PEAK1: variants seen among roughly 807,000 people sequenced by gnomAD.
The protein encoded by PEAK1 is pseudopodium enriched atypical kinase 1.
PEAK1 carries 54 observed loss-of-function variants against 124.7 expected under a neutral mutation model. The observed-to-expected ratio is 0.43, with a 90% confidence interval of 0.35 to 0.54. PEAK1 has a LOEUF of 0.54. PEAK1 is among the 20% of genes least tolerant of loss of function. PEAK1 has a pLI of 0.01. For missense variants in PEAK1, 2,046 were observed against 2,134.5 expected (o/e 0.96, Z 0.82); for synonymous variants, 719 against 760.0 (o/e 0.95, Z 0.89).
intron 2 of PEAK1, chr15:77,348,310 C>G: frequency 1.1e-6 from 1 of 870,388 alleles, no homozygotes; most frequent in South Asian, 5.3e-5. Flanking sequence ...GAGTCTCATG[C>G]CACCTACTCT....
intron 2 of PEAK1, among the ~76,000 whole-genome samples, chr15:77,343,856 T>C (rs1039098167): frequency 6.6e-6 from 1 of 152,204 alleles, no homozygotes; most frequent in African/African-American, 2.4e-5. Flanking sequence ...TTCAATGTCA[T>C]GAGGATTTTC....
In PEAK1 at chr15:77,179,220, T is replaced by C. The variant is rs945884879; in HGVS notation, c.2707A>G (p.Thr903Ala). ...WTKPTSPTRS[T>A]EAESVLHSEG... ...GAGTGCAAAACTGATTCAGCTTCTGTTGACCTGGTAGGGCTGGTTGGCTTG... is the reference window on the plus strand; with the variant it reads ...GAGTGCAAAACTGATTCAGCTTCTGCTGACCTGGTAGGGCTGGTTGGCTTG... Residue 903 changes from threonine to alanine, a missense_variant, in exon 7 of 10, where the codon ACA (threonine) becomes GCA (alanine). By Grantham distance (58) the Thr-to-Ala change is moderately conservative. Transcript: ENST00000682557. 1.1e-5 allele frequency: 17 copies of C among 1,614,074 alleles called. No individual in the cohort carries two copies. Among genetic ancestry groups the C allele is most frequent in the Non-Finnish European group, 1.3e-5 (15 of 1,180,034 alleles).
chr15:77,368,456 T>G (rs771786023), intron 1 of PEAK1, among the ~76,000 whole-genome samples: 1 of 151,426 alleles, frequency 6.6e-6, no homozygotes, highest in Non-Finnish European at 1.5e-5. Context: ...AGGCGGAGGT[T>G]ATAGTGAGCT....
chr15:77,212,702 T>C (rs1006566569), intron 6 of PEAK1, among the ~76,000 whole-genome samples: 3 of 152,216 alleles, frequency 2.0e-5, no homozygotes, highest in African/African-American at 7.2e-5. Flanking sequence ...TCTATACTTG[T>C]ATGTAGGTCA....
At chr15:77,210,688 T>G (rs1374037199) in intron 6 of PEAK1, among the ~76,000 whole-genome samples, 1 of 152,216 alleles carries the variant, frequency 6.6e-6, no homozygotes, top group Admixed American at 6.5e-5. Flanking sequence ...GAGATCAGAC[T>G]GGCCAACATG....
intron 1 of PEAK1, among the ~76,000 whole-genome samples, chr15:77,408,128 T>C (rs1174465813): frequency 3.6e-5 from 5 of 138,622 alleles, no homozygotes; most frequent in Non-Finnish European, 7.6e-5. Flanking sequence ...TATATACATA[T>C]AGACACATGT....
Position 77,179,655 on chromosome 15 carries a change from T to G in PEAK1, c.2272A>C (p.Ser758Arg). ...ACTGTGCTTGCTTTCTCTCTGGTGC[T>G]GCTGCTGCCCACCATCTGAGACTCC... The part of the protein sequence containing the change: ...TQESQMVGSS[S>R]TREKASTVLS... Residue 758 changes from serine to arginine, a missense_variant, in exon 7 of 10, where the codon AGC (serine) becomes CGC (arginine). Transcript: ENST00000682557. 3 of 1,614,166 alleles carry G rather than the reference T, an allele frequency of 1.9e-6. No homozygotes were observed. The highest frequency in any genetic ancestry group is 2.5e-6 in the Non-Finnish European group (3 of 1,180,020).
intron 6 of PEAK1, among the ~76,000 whole-genome samples, chr15:77,228,655 A>G (rs34572155): frequency 0.36 from 54,861 of 151,898 alleles, 10,055 homozygotes; most frequent in Non-Finnish European, 0.38. Context: ...TATGACTTTT[A>G]TGGGCTTTTG....
At chr15:77,211,848 CAAAAAAAAAAAAA>C (rs34360713) in intron 6 of PEAK1, among the ~76,000 whole-genome samples, 1 of 49,776 alleles carries the variant, frequency 2.0e-5, no homozygotes, top group Admixed American at 2.1e-4. Flanking sequence ...AACTCCATCT[CAAAAAAAAAAAAA>C]AAAAAAAAAA....
intron 9 of PEAK1, among the ~76,000 whole-genome samples, chr15:77,115,604 C>G (rs1566985801): frequency 6.8e-6 from 1 of 146,904 alleles, no homozygotes; most frequent in Non-Finnish European, 1.5e-5. Context: ...GAAAAAAAGC[C>G]CGGGGTTATG....
At chr15:77,123,058 T>C (rs1490460905) in intron 9 of PEAK1, among the ~76,000 whole-genome samples, 2 of 152,196 alleles carry the variant, frequency 1.3e-5, no homozygotes, top group Non-Finnish European at 2.9e-5. Context: ...GATTCTGGCA[T>C]AGCCGGAAGA....
At chr15:77,170,028 T>C (rs575299044) in intron 7 of PEAK1, among the ~76,000 whole-genome samples, 58 of 152,318 alleles carry the variant, frequency 3.8e-4, no homozygotes, top group Admixed American at 3.9e-4. Context: ...CGAATATTTA[T>C]AGTTTTAAAA....
intron 6 of PEAK1, among the ~76,000 whole-genome samples, chr15:77,198,381 G>A (rs1259285426): frequency 1.3e-5 from 2 of 152,156 alleles, no homozygotes; most frequent in Non-Finnish European, 2.9e-5. Context: ...CATATGAAAT[G>A]CCACCAGTGA....
intron 1 of PEAK1, among the ~76,000 whole-genome samples, chr15:77,369,886 A>G (rs1309245707): frequency 6.6e-6 from 1 of 152,130 alleles, no homozygotes; most frequent in Non-Finnish European, 1.5e-5. Context: ...ACATCTCACC[A>G]CAACACTGGC....
chr15:77,273,457 G>A (rs1267603145), intron 5 of PEAK1, among the ~76,000 whole-genome samples: 2 of 152,214 alleles, frequency 1.3e-5, no homozygotes, highest in African/African-American at 2.4e-5. Flanking sequence ...CAGTAGCCCT[G>A]CTACACATCA....
intron 7 of PEAK1, among the ~76,000 whole-genome samples, chr15:77,176,770 A>G (rs1219955056): frequency 6.6e-6 from 1 of 152,166 alleles, no homozygotes; most frequent in Non-Finnish European, 1.5e-5. Context: ...CAGCCAAAGG[A>G]GAGAGTCTCT....
intron 6 of PEAK1, among the ~76,000 whole-genome samples, chr15:77,241,034 A>G (rs936184339): frequency 6.6e-5 from 10 of 152,134 alleles, no homozygotes; most frequent in African/African-American, 2.4e-4. Flanking sequence ...AAGAGGCAAA[A>G]CAGTACTAAA....
chr15:77,394,426 A>G (rs2141954881), intron 1 of PEAK1, among the ~76,000 whole-genome samples: 1 of 152,344 alleles, frequency 6.6e-6, no homozygotes, highest in Admixed American at 6.5e-5. Flanking sequence ...GCAGCTCAGC[A>G]CAGAAAGAGA....
At chr15:77,157,858 T>A (rs1438553787) in intron 8 of PEAK1, 1 of 152,256 alleles carries the variant, frequency 6.6e-6, no homozygotes, top group African/African-American at 2.4e-5. Context: ...ATAATCCACA[T>A]ACACATGGCA....
Sources: gnomAD v4.1 joint callset for allele counts (sites outside exome capture counted in the v4.1 genomes callset) on GRCh38, gnomAD v4.1.1 for gene constraint, MANE v1.5 for transcripts, NCBI Gene and HGNC (gene_info 2026-07-23, HGNC 2026-07-21) for gene names.